EPHA6: variants seen among roughly 807,000 people sequenced by gnomAD.
EPHA6 encodes EPH receptor A6.
In EPHA6, 50 loss-of-function variants were observed where a neutral mutation model predicts 112.0. The ratio of observed to expected loss-of-function variants is 0.45; its 90% CI spans 0.36 to 0.56. EPHA6 has a LOEUF of 0.56. Ranked by LOEUF, EPHA6 falls within the 20% of genes least tolerant of loss-of-function variation. EPHA6 has a pLI of 0.00. For missense variants in EPHA6, 1,280 were observed against 1,417.4 expected (o/e 0.90, Z 1.56); for synonymous variants, 529 against 490.7 (o/e 1.08, Z -1.03).
At chr3:97,555,705 T>C (rs1490169002) in intron 11 of EPHA6, among the ~76,000 whole-genome samples, 5 of 152,138 alleles carry the variant, frequency 3.3e-5, no homozygotes, top group Non-Finnish European at 5.9e-5. Flanking sequence ...TCATGTGTTT[T>C]TTGGCTGCAT....
chr3:97,226,053 C>G (rs1375396107), intron 3 of EPHA6, among the ~76,000 whole-genome samples: 1 of 152,088 alleles, frequency 6.6e-6, no homozygotes, highest in Non-Finnish European at 1.5e-5. Flanking sequence ...TAAAAATTAG[C>G]AGCCTCAGCT....
chr3:97,020,127 G>C (rs1255326982), intron 3 of EPHA6, among the ~76,000 whole-genome samples: 1 of 152,076 alleles, frequency 6.6e-6, no homozygotes, highest in African/African-American at 2.4e-5. Flanking sequence ...TTATACCTCT[G>C]TCAATACCAG....
At chr3:97,715,355 A>T (rs530410446) in intron 14 of EPHA6, among the ~76,000 whole-genome samples, 4 of 152,344 alleles carry the variant, frequency 2.6e-5, no homozygotes, top group Admixed American at 1.3e-4. Context: ...AACTATAGTA[A>T]AGTTGCATCT....
intron 4 of EPHA6, among the ~76,000 whole-genome samples, chr3:97,230,662 A>C (rs2078496695): frequency 6.6e-6 from 1 of 152,200 alleles, no homozygotes. Context: ...AGAGAAAAGC[A>C]AACAGTAATT....
intron 3 of EPHA6, among the ~76,000 whole-genome samples, chr3:97,137,850 T>C (rs1244765746): frequency 6.6e-6 from 1 of 151,886 alleles, no homozygotes; most frequent in Non-Finnish European, 1.5e-5. Flanking sequence ...ATAATAAAAA[T>C]AAAAATAAAT....
At chr3:97,463,143 C>A (rs1012317410) in intron 7 of EPHA6, among the ~76,000 whole-genome samples, 1 of 152,058 alleles carries the variant, frequency 6.6e-6, no homozygotes, top group African/African-American at 2.4e-5. Context: ...GGTACATGTG[C>A]ACAACTTGCA....
intron 15 of EPHA6, among the ~76,000 whole-genome samples, chr3:97,733,919 G>T (rs757254474): frequency 6.6e-6 from 1 of 152,012 alleles, no homozygotes; most frequent in African/African-American, 2.4e-5. Flanking sequence ...GTTTTATCAT[G>T]AGAACTAAAA....
chr3:97,686,520 A>T (rs539332776), intron 14 of EPHA6, among the ~76,000 whole-genome samples: 1 of 152,324 alleles, frequency 6.6e-6, no homozygotes, highest in East Asian at 1.9e-4. Flanking sequence ...GTGAAATTCA[A>T]ACTCTACATA....
chr3:97,614,721 T>C (rs771587037), intron 13 of EPHA6, among the ~76,000 whole-genome samples: 31 of 151,870 alleles, frequency 2.0e-4, no homozygotes, highest in Non-Finnish European at 4.1e-4. Context: ...AAACCAAAAA[T>C]CTAGGAGAAA....
intron 16 of EPHA6, among the ~76,000 whole-genome samples, chr3:97,745,206 T>C (rs2035659473): frequency 6.6e-6 from 1 of 151,994 alleles, no homozygotes; most frequent in Admixed American, 6.6e-5. Context: ...ACCTTTATTA[T>C]TTTGTATTTT....
Position 97,119,876 on chromosome 3 carries a change from A to G in EPHA6, c.1115-106388A>G, listed in dbSNP as rs570398169. Among the ~76,000 whole-genome samples, 56 of 152,110 alleles carry G rather than the reference A, an allele frequency of 3.7e-4. No homozygotes were observed. In the South Asian group the frequency reaches 0.011, roughly 31 times the overall value. ...TCTGAAATATTCATATGTACTATGTAATTTCATTCAGGATCAGTATAAACC... is the reference window on the plus strand; with the variant it reads ...TCTGAAATATTCATATGTACTATGTGATTTCATTCAGGATCAGTATAAACC... On this transcript the variant is annotated intron_variant, in intron 3 of 17. Coordinates refer to ENST00000389672, the MANE Select transcript of EPHA6 (RefSeq NM_001080448.3).
chr3:97,528,665 T>C (rs2092656903), intron 10 of EPHA6, among the ~76,000 whole-genome samples: 1 of 152,182 alleles, frequency 6.6e-6, no homozygotes, highest in African/African-American at 2.4e-5. Context: ...CTCAAAGTGA[T>C]CCTGATACAG....
intron 3 of EPHA6, among the ~76,000 whole-genome samples, chr3:97,082,242 A>G (rs2046744224): frequency 6.6e-6 from 1 of 151,904 alleles, no homozygotes; most frequent in African/African-American, 2.4e-5. Flanking sequence ...ATTTTCAAAA[A>G]TGAGCGTGTA....
chr3:97,226,791 A>G (rs139721644), intron 4 of EPHA6, among the ~76,000 whole-genome samples: 1 of 152,338 alleles, frequency 6.6e-6, no homozygotes, highest in African/African-American at 2.4e-5. Flanking sequence ...AAGCATATCA[A>G]TTTAGGACCA....
rs397990595 is a variant in EPHA6, at chr3:97,502,832, C to CAAAAAA, written c.2200+18796_2200+18801dup. Among the ~76,000 whole-genome samples, 7 of 35,898 alleles carry CAAAAAA rather than the reference C, an allele frequency of 1.9e-4. 1 individual carries two copies. Among genetic ancestry groups the CAAAAAA allele is most frequent in the East Asian group, 2.2e-3 (2 of 894 alleles). The allele number at this position is 35,898 out of a possible 152,430, so 23.6% of individuals were successfully genotyped here. ...CTGGTAAAAGAGCAAGACTCTGTCT[C>CAAAAAA]AAAAAAAAAAAAAAAAAAAAAAAAA... On this transcript the variant is annotated intron_variant, in intron 10 of 17. Coordinates refer to ENST00000389672, the MANE Select transcript of EPHA6 (RefSeq NM_001080448.3).
chr3:97,409,988 T>C (rs897753409), intron 6 of EPHA6, among the ~76,000 whole-genome samples: 10 of 152,052 alleles, frequency 6.6e-5, no homozygotes, highest in African/African-American at 2.4e-4. Flanking sequence ...TAAATAATGT[T>C]GTGACACTGA....
At position 97,638,072 on chromosome 3, in the gene EPHA6, A is replaced by T. The variant is rs373651426; in HGVS notation, c.2774A>T (p.Tyr925Phe). Residue 925 changes from tyrosine (Y) to phenylalanine (F), a missense_variant, in exon 14 of 18, where the codon TAT (tyrosine) becomes TTT (phenylalanine). Physicochemically the swap from Tyr to Phe is conservative, Grantham distance 22. Around this residue, in one of 4 missense-constraint regions of EPHA6, gnomAD observed 878 missense variants for 999.7 expected, o/e 0.88. Coordinates refer to ENST00000389672, the MANE Select transcript of EPHA6 (RefSeq NM_001080448.3). ...RVLEDDPEAA[Y>F]TTTGGKIPIR... ...CTGGAAGATGATCCAGAAGCTGCTT[A>T]TACAACAACTGTAAGTTTATATGCC... 11 of 1,612,318 alleles carry T rather than the reference A, an allele frequency of 6.8e-6. No individual in the cohort carries two copies. The African/African-American group carries it at 9.3e-5, about 14-fold the overall frequency.
At chr3:97,233,873 G>A (rs1244861087) in intron 4 of EPHA6, among the ~76,000 whole-genome samples, 1 of 152,126 alleles carries the variant, frequency 6.6e-6, no homozygotes, top group Non-Finnish European at 1.5e-5. Flanking sequence ...TATTTGGCCA[G>A]TAAATGGCCT....
chr3:97,430,053 C>T (rs560135762), intron 6 of EPHA6, among the ~76,000 whole-genome samples: 1 of 152,148 alleles, frequency 6.6e-6, no homozygotes, highest in South Asian at 2.1e-4. Flanking sequence ...GATATAAAAC[C>T]TTTATTTCTT....
Sources: allele counts gnomAD v4.1 joint callset (sites outside exome capture counted in the v4.1 genomes callset), GRCh38; gene constraint gnomAD v4.1.1; regional missense constraint gnomAD v4.1.1; transcripts MANE v1.5; gene names NCBI Gene and HGNC (gene_info 2026-07-23, HGNC 2026-07-21).